Variants in UBE2E2 observed in about 807,000 individuals in gnomAD.
The protein encoded by UBE2E2 is ubiquitin conjugating enzyme E2 E2.
Under a neutral mutation model 24.7 loss-of-function variants are expected in UBE2E2, and 6 were observed. The observed-to-expected ratio is 0.24, with a 90% CI of 0.13 to 0.48. UBE2E2 has a LOEUF of 0.48. UBE2E2 is among the 20% of genes least tolerant of loss of function. UBE2E2 has a pLI of 0.99. For missense variants in UBE2E2, 169 were observed against 245.0 expected, an observed-to-expected ratio of 0.69 and a Z score of 2.07; for synonymous variants, 104 against 83.6, an observed-to-expected ratio of 1.24 and a Z score of -1.33.
chr3:23,271,625 A>G (rs1014030111), intron 3 of UBE2E2, among the ~76,000 whole-genome samples: 2 of 152,136 alleles, frequency 1.3e-5, no homozygotes, highest in Non-Finnish European at 2.9e-5. Flanking sequence ...TGCGTTTACA[A>G]TCCCTGAGCT....
At chr3:23,263,097 G>A (rs1201199862) in intron 3 of UBE2E2, among the ~76,000 whole-genome samples, 1 of 152,154 alleles carries the variant, frequency 6.6e-6, no homozygotes, top group African/African-American at 2.4e-5. Flanking sequence ...TGGAAAAGGT[G>A]TGTTCTTAGC....
At chr3:23,577,727 A>G (rs1157600151) in intron 5 of UBE2E2, among the ~76,000 whole-genome samples, 1 of 152,242 alleles carries the variant, frequency 6.6e-6, no homozygotes, top group Non-Finnish European at 1.5e-5. Flanking sequence ...TTCTGTTGAA[A>G]GATACCAATC....
intron 3 of UBE2E2, among the ~76,000 whole-genome samples, chr3:23,305,798 C>T (rs1387927325): frequency 6.6e-6 from 1 of 152,172 alleles, no homozygotes; most frequent in East Asian, 1.9e-4. Context: ...GGTATAATCA[C>T]AGCTTACCGC....
intron 3 of UBE2E2, among the ~76,000 whole-genome samples, chr3:23,256,956 C>A (rs1336442414): frequency 6.6e-6 from 1 of 152,208 alleles, no homozygotes; most frequent in Non-Finnish European, 1.5e-5. Flanking sequence ...ACACCAGGCA[C>A]TTATGTAAGA....
At chr3:23,330,745 C>T (rs758173399) in intron 3 of UBE2E2, among the ~76,000 whole-genome samples, 6 of 152,162 alleles carry the variant, frequency 3.9e-5, no homozygotes, top group Admixed American at 1.3e-4. Flanking sequence ...TTTTTGTTTG[C>T]ATAGTTGCAT....
Position 23,411,825 on chromosome 3 carries a change from G to T in UBE2E2, c.228-87783G>T, listed in dbSNP as rs563965462. The stretch of plus-strand genomic sequence containing the variant: ...ACTACCTTCTAAGGGTTCAGTGATT[G>T]TTAGCTATTGTTATAATTATTATGT... On this transcript the variant is annotated intron_variant, in intron 3 of 5. Transcript: ENST00000396703. 5.9e-4 allele frequency among the ~76,000 whole-genome samples: 90 copies of T among 152,212 alleles called. 3 individuals are homozygous for T. In the South Asian group the frequency reaches 0.018, roughly 31 times the overall value.
In UBE2E2 at chr3:23,544,141, G is replaced by A. The variant is rs147819616; in HGVS notation, c.508+11440G>A. ...AAACCTAGGAAAAACTCTTTTGGGC[G>A]TTGGTCTAAGCAAAGAATTTATGAG... On this transcript the variant is annotated intron_variant, in intron 5 of 5. Transcript: ENST00000396703. 1.4e-3 allele frequency among the ~76,000 whole-genome samples: 218 copies of A among 152,180 alleles called. 5 individuals carry two copies. The East Asian group carries it at 0.015, about 11-fold the overall frequency.
At chr3:23,572,508 G>T (rs1696251569) in intron 5 of UBE2E2, among the ~76,000 whole-genome samples, 1 of 152,156 alleles carries the variant, frequency 6.6e-6, no homozygotes, top group East Asian at 1.9e-4. Flanking sequence ...CCAATAGGAA[G>T]TTTCTCAGCC....
At chr3:23,256,682 A>G (rs1698578928) in intron 3 of UBE2E2, among the ~76,000 whole-genome samples, 1 of 146,054 alleles carries the variant, frequency 6.8e-6, no homozygotes. Flanking sequence ...AGCATGCTGT[A>G]TTTTCTCTTC....
At chr3:23,217,550 A>T (rs188234445) in intron 3 of UBE2E2, among the ~76,000 whole-genome samples, 5 of 152,254 alleles carry the variant, frequency 3.3e-5, no homozygotes, top group African/African-American at 7.2e-5. Context: ...ATGCAATAAC[A>T]GTAAGACAAT....
At chr3:23,257,921 A>C (rs1697781310) in intron 3 of UBE2E2, among the ~76,000 whole-genome samples, 1 of 151,860 alleles carries the variant, frequency 6.6e-6, no homozygotes, top group African/African-American at 2.4e-5. Context: ...TTTCATTTAG[A>C]TCTCTTTCGT....
In UBE2E2 at chr3:23,510,345, G is replaced by T. The variant is rs1043271289; in HGVS notation, c.360+10605G>T. Among the ~76,000 whole-genome samples, 3 of 152,144 alleles carry T rather than the reference G, an allele frequency of 2.0e-5. No individual in the cohort carries two copies. In the East Asian group the frequency reaches 5.8e-4, roughly 29 times the overall value. ...TAGGGGACTGGGCATGGTGGCTCAC[G>T]CCTGTAATCCCAGCACTTTGGGAGG... is the stretch of plus-strand genomic sequence containing the variant. On this transcript the variant is annotated intron_variant, in intron 4 of 5. Transcript: ENST00000396703.
chr3:23,559,259 G>T (rs1348409905), intron 5 of UBE2E2, among the ~76,000 whole-genome samples: 1 of 152,060 alleles, frequency 6.6e-6, no homozygotes, highest in Non-Finnish European at 1.5e-5. Flanking sequence ...TGGAATTCAA[G>T]TGCATTTGAT....
chr3:23,410,997 A>G (rs1318938691), intron 3 of UBE2E2, among the ~76,000 whole-genome samples: 1 of 152,172 alleles, frequency 6.6e-6, no homozygotes, highest in Non-Finnish European at 1.5e-5. Context: ...TATAGTTTGT[A>G]AATTTTTTAA....
At chr3:23,323,654 AT>A in intron 3 of UBE2E2, 1 of 369,190 alleles carries the variant, frequency 2.7e-6, no homozygotes, top group African/African-American at 2.2e-5. Context: ...GGGGTTAAGC[AT>A]TTCAGATAAG....
At chr3:23,427,586 G>A (rs1168229635) in intron 3 of UBE2E2, among the ~76,000 whole-genome samples, 2 of 152,202 alleles carry the variant, frequency 1.3e-5, no homozygotes, top group Non-Finnish European at 2.9e-5. Flanking sequence ...AGTTTGAATA[G>A]CAGTGGCCTA....
At position 23,532,559 on chromosome 3, in the gene UBE2E2, CT is replaced by C; in HGVS notation, c.368del (p.Phe123SerfsTer15). ...DYPFKPPKVT[F>X]RTRIYHCNIN... Reference sequence around the variant, plus strand: ...AACTTTACATTTTCTTGTAGGTTACCTTCCGAACAAGAATCTATCACTGTAA... The same window carrying C: ...AACTTTACATTTTCTTGTAGGTTACCTCCGAACAAGAATCTATCACTGTAA... On this transcript the variant is annotated frameshift_variant, in exon 5 of 6. Coordinates refer to ENST00000396703, the MANE Select transcript of UBE2E2 (RefSeq NM_152653.4). LOFTEE classifies it high-confidence loss of function. 1.3e-6 allele frequency: 2 copies of C among 1,516,190 alleles called. No homozygotes were observed. Among genetic ancestry groups the C allele is most frequent in the Non-Finnish European group, 1.8e-6 (2 of 1,113,624 alleles). 93.9% of individuals were successfully genotyped at this position (1,516,190 alleles called of 1,614,324 possible).
At chr3:23,299,840 G>C (rs1699020947) in intron 3 of UBE2E2, among the ~76,000 whole-genome samples, 1 of 152,156 alleles carries the variant, frequency 6.6e-6, no homozygotes, top group Admixed American at 6.5e-5. Context: ...GGGTATCCTT[G>C]TTAACTTTCT....
chr3:23,322,459 C>T (rs1694766476), intron 3 of UBE2E2, among the ~76,000 whole-genome samples: 1 of 152,126 alleles, frequency 6.6e-6, no homozygotes, highest in Non-Finnish European at 1.5e-5. Flanking sequence ...ACAGAATCCC[C>T]ATGTGACTTG....
Sources: gnomAD v4.1 joint callset for allele counts (sites outside exome capture counted in the v4.1 genomes callset) on GRCh38, gnomAD v4.1.1 for gene constraint, MANE v1.5 for transcripts, NCBI Gene and HGNC (gene_info 2026-07-23, HGNC 2026-07-21) for gene names.